KNDC1: variants seen among roughly 807,000 people sequenced by gnomAD.
KNDC1 encodes the protein kinase non-catalytic C-lobe domain containing 1, also known as kinase non-catalytic C-lobe domain-containing protein 1.
KNDC1 carries 106 observed loss-of-function variants against 172.8 expected under a neutral mutation model. The ratio of observed to expected loss-of-function variants is 0.61; its 90% CI spans 0.52 to 0.72. The LOEUF is 0.72. Ranked by LOEUF, KNDC1 falls within the 30% of genes least tolerant of loss-of-function variation. KNDC1 has a pLI of 0.00. For synonymous variants in KNDC1, 1,083 were observed against 1,062.2 expected (o/e 1.02, Z -0.38); for missense variants, 2,325 against 2,394.5 (o/e 0.97, Z 0.61).
rs1211702773 is a variant in KNDC1 at position 133,211,841 on chromosome 10, G to A, written c.4219G>A (p.Asp1407Asn). Residue 1407 changes from aspartate to asparagine, a missense_variant, in exon 23 of 30, where the codon GAC (aspartate) becomes AAC (asparagine). Physicochemically the swap from Asp to Asn is conservative, Grantham distance 23 (BLOSUM62 1). Transcript: ENST00000304613. ...CGCCCTCTGTAAGAGGCTCTCAGAG[G>A]ACGGCATCTCCAGGAAGGTGGGGTC... ...FNALCKRLSEDGISRKSFPWR... is the reference protein window; with the variant it reads ...FNALCKRLSENGISRKSFPWR... 1.9e-6 allele frequency: 3 copies of A among 1,607,576 alleles called. No individual in the cohort carries two copies. The highest frequency in any genetic ancestry group is 1.7e-5 in the Admixed American group (1 of 58,140).
chr10:133,199,300 C>T, intron 14 of KNDC1, 34 bp downstream of exon 14: 1 of 1,541,264 alleles, frequency 6.5e-7, no homozygotes, highest in Non-Finnish European at 8.7e-7. Flanking sequence ...CAGAGGAGGC[C>T]CGGGCCAGGG....
chr10:133,160,231 C>T lies in KNDC1; in HGVS notation c.-237C>T, dbSNP rs1273744023. 2.7e-5 allele frequency among the ~76,000 whole-genome samples: 4 copies of T among 149,826 alleles called. No individual in the cohort carries two copies. Among genetic ancestry groups the T allele is most frequent in the Non-Finnish European group, 6.0e-5 (4 of 67,136 alleles). On this transcript the variant is annotated 5_prime_UTR_variant, in exon 1 of 30. In the 5' UTR this introduces an upstream ATG that the reference lacks. Transcript: ENST00000304613. ...CGGTGCCTCCCCCAGGAAGGAGCGACGTTCCCTAGGCGCCGGGTCCGGACA... is the reference window on the plus strand; with the variant it reads ...CGGTGCCTCCCCCAGGAAGGAGCGATGTTCCCTAGGCGCCGGGTCCGGACA...
At chr10:133,221,138 C>T (rs1255952097) in intron 29 of KNDC1, among the ~76,000 whole-genome samples, 3 of 152,122 alleles carry the variant, frequency 2.0e-5, no homozygotes, top group Non-Finnish European at 4.4e-5. Context: ...CTCTGCAGCA[C>T]AGAGGCTGCC....
intron 5 of KNDC1, among the ~76,000 whole-genome samples, chr10:133,184,847 A>G (rs936188450): frequency 1.3e-5 from 2 of 152,248 alleles, no homozygotes; most frequent in Non-Finnish European, 2.9e-5. Context: ...TGGGCATTTC[A>G]ATAAACGGAT....
intron 25 of KNDC1, 83 bp downstream of exon 25, chr10:133,213,810 C>A: frequency 6.9e-7 from 1 of 1,448,636 alleles, no homozygotes; most frequent in Non-Finnish European, 9.6e-7. Flanking sequence ...CGCTCCTGAC[C>A]AGCAGGAGAT....
chr10:133,185,838 A>AGAGGG, intron 5 of KNDC1, 136 bp from the exon 6 acceptor site: 1 of 45,054 alleles, frequency 2.2e-5, no homozygotes, highest in African/African-American at 1.4e-4. Context: ...GGAGGGGAGG[A>AGAGGG]GAGGGGAGGG....
chr10:133,171,091 T>C (rs946978256), intron 3 of KNDC1, among the ~76,000 whole-genome samples: 3 of 152,278 alleles, frequency 2.0e-5, no homozygotes, highest in African/African-American at 7.2e-5. Context: ...CATTTCAAGG[T>C]TGAGCCGATA....
chr10:133,196,607 C>T (rs1167771052), intron 10 of KNDC1, among the ~76,000 whole-genome samples: 1 of 152,202 alleles, frequency 6.6e-6, no homozygotes. Context: ...AGGATGAGAT[C>T]TAGACACGGC....
At chr10:133,169,878 C>T (rs1391355669) in intron 3 of KNDC1, among the ~76,000 whole-genome samples, 1 of 152,232 alleles carries the variant, frequency 6.6e-6, no homozygotes, top group Non-Finnish European at 1.5e-5. Context: ...TCAGCCCAGG[C>T]CGTGCCCGGT....
rs1845707494 is a variant in KNDC1, at chr10:133,225,809, T to G, written c.*919T>G. 6.5e-6 allele frequency: 1 copy of G among 152,716 alleles called. No individual in the cohort carries two copies. Among genetic ancestry groups the G allele is most frequent in the African/African-American group, 2.4e-5 (1 of 41,478 alleles). The allele number at this position is 152,716 out of a possible 1,614,324, so 9.5% of individuals were successfully genotyped here. ...CTCACGCTTCGCCAGAGACAGGAAGTGCGCTGCCTCCACGGCCCCTTGCCC... is the reference window on the plus strand; with the variant it reads ...CTCACGCTTCGCCAGAGACAGGAAGGGCGCTGCCTCCACGGCCCCTTGCCC... On this transcript the variant is annotated 3_prime_UTR_variant, in exon 30 of 30. Coordinates refer to ENST00000304613, the MANE Select transcript of KNDC1 (RefSeq NM_152643.8).
At position 133,210,680 on chromosome 10, in the gene KNDC1, C is replaced by T; in HGVS notation, c.3864C>T (p.Asp1288=). The change falls in exon 21 of 30, where the codon GAC becomes GAT. Residue 1288 remains aspartate, a synonymous_variant. Coordinates refer to ENST00000304613, the MANE Select transcript of KNDC1 (RefSeq NM_152643.8). ...TCCGCTACTTCTGCACACCCCACGA[C>T]TTCCTGCACTTCCTCCTCGACCGCA... ...YTFRYFCTPH[D]FLHFLLDRIN... The T allele has an allele frequency of 1.2e-6, 2 of 1,614,108 alleles. No homozygotes were observed. The highest frequency in any genetic ancestry group is 1.3e-5 in the African/African-American group (1 of 75,046).
At chr10:133,221,762 T>C (rs575196454) in intron 29 of KNDC1, among the ~76,000 whole-genome samples, 29 of 152,306 alleles carry the variant, frequency 1.9e-4, no homozygotes, top group Middle Eastern at 3.4e-3. Flanking sequence ...AGAAAACCCA[T>C]GTCAGCAAAA....
At chr10:133,181,791 C>G (rs1406822129) in intron 3 of KNDC1, among the ~76,000 whole-genome samples, 1 of 149,834 alleles carries the variant, frequency 6.7e-6, no homozygotes, top group African/African-American at 2.4e-5. Flanking sequence ...ACGTATGTGT[C>G]TGCATGTGTG....
At chr10:133,213,062 G>A (rs1845403618) in intron 24 of KNDC1, 140 bp downstream of exon 24, 14 of 771,430 alleles carry the variant, frequency 1.8e-5, no homozygotes, top group Non-Finnish European at 2.4e-5. Flanking sequence ...GCACAGGTTG[G>A]GGGTGGCTGC....
At chr10:133,211,906 G>T in intron 23 of KNDC1, 48 bp downstream of exon 23, 1 of 1,552,752 alleles carries the variant, frequency 6.4e-7, no homozygotes. Context: ...GCGGATGTGG[G>T]TCCCTGAGCC....
Position 133,202,219 on chromosome 10 carries a change from G to C in KNDC1, c.3387+321G>C, listed in dbSNP as rs1384707623. 6 of 633,522 alleles carry C rather than the reference G, an allele frequency of 9.5e-6. No homozygotes were observed. In the Admixed American group the frequency reaches 1.3e-4, roughly 13 times the overall value. The allele number at this position is 633,522 out of a possible 1,614,324, so 39.2% of individuals were successfully genotyped here. A position where few individuals can be genotyped will look rare whatever the true frequency, so the allele number is the denominator to read the frequency against. ...CCATGCTCGTGACCAGGTTGCGTTC[G>C]GTCGTGTTTTCCGTGGGGCAGGCAC... On this transcript the variant is annotated intron_variant, in intron 17 of 29. Coordinates refer to ENST00000304613, the MANE Select transcript of KNDC1 (RefSeq NM_152643.8).
chr10:133,169,305 CAA>C (rs1359660890), intron 3 of KNDC1, among the ~76,000 whole-genome samples: 1 of 152,134 alleles, frequency 6.6e-6, no homozygotes, highest in Non-Finnish European at 1.5e-5. Flanking sequence ...ACTAAAAATA[CAA>C]AAGTTAGCCG....
rs1399356833 is a variant in KNDC1 at position 133,210,632 on chromosome 10, T to C, written c.3816T>C (p.Tyr1272=). The C allele has an allele frequency of 1.2e-6, 2 of 1,613,100 alleles. No homozygotes were observed. The highest frequency in any genetic ancestry group is 1.3e-5 in the African/African-American group (1 of 74,822). ...LYSSDAFLEG[Y]VQQFLYTFRY... ...ACAGTGATGCCTTCCTGGAGGGTTA[T>C]GTGCAGCAATTCCTCTACACCTTCC... The change falls in exon 21 of 30, where the codon TAT becomes TAC. Residue 1272 remains tyrosine (Y), a synonymous_variant. Coordinates refer to ENST00000304613, the MANE Select transcript of KNDC1 (RefSeq NM_152643.8).
intron 17 of KNDC1, among the ~76,000 whole-genome samples, chr10:133,204,553 G>A (rs927040564): frequency 2.0e-5 from 3 of 152,276 alleles, no homozygotes; most frequent in South Asian, 2.1e-4. Context: ...CCGTGGCACC[G>A]CCACGGCCGC....
Sources: gnomAD v4.1 joint callset for allele counts (sites outside exome capture counted in the v4.1 genomes callset) on GRCh38, gnomAD v4.1.1 for gene constraint, MANE v1.5 for transcripts, NCBI Gene and HGNC (gene_info 2026-07-23, HGNC 2026-07-21) for gene names.